ZNF618: variants seen among roughly 807,000 people sequenced by gnomAD.
The protein encoded by ZNF618 is zinc finger protein 618.
In ZNF618, 34 loss-of-function variants were observed where a neutral mutation model predicts 103.0. The ratio of observed to expected loss-of-function variants is 0.33; its 90% CI spans 0.25 to 0.44. The LOEUF (loss-of-function observed/expected upper bound fraction) is 0.44. Among genes scored for constraint, ZNF618 ranks in the 20% least tolerant of loss-of-function variants. The pLI is 1.00. For missense variants in ZNF618, 1,059 were observed against 1,295.4 expected, an observed-to-expected ratio of 0.82 and a Z score of 2.80; for synonymous variants, 551 against 542.2, an observed-to-expected ratio of 1.02 and a Z score of -0.23.
intron 1 of ZNF618, among the ~76,000 whole-genome samples, chr9:113,944,432 A>G (rs2132124319): frequency 6.6e-6 from 1 of 152,178 alleles, no homozygotes; most frequent in East Asian, 1.9e-4. Context: ...GTGTACCACC[A>G]CACCCAGCTA....
chr9:113,898,191 C>T (rs1830205017), intron 1 of ZNF618, among the ~76,000 whole-genome samples: 1 of 152,208 alleles, frequency 6.6e-6, no homozygotes, highest in African/African-American at 2.4e-5. Context: ...TTTTACTGAG[C>T]ACACAAAGGA....
rs113819665 is a variant in ZNF618, at chr9:114,050,442, GCACACACACACACACACACA to G, written c.*289_*308del. 2.9e-5 allele frequency: 6 copies of G among 207,708 alleles called. No individual in the cohort carries two copies. The highest frequency in any genetic ancestry group is 1.5e-4 in the African/African-American group (6 of 40,700). 12.9% of individuals were successfully genotyped at this position (207,708 alleles called of 1,614,324 possible). A position where few individuals can be genotyped will look rare whatever the true frequency, so the allele number is the denominator to read the frequency against. ...ATGGCCAGAGAAACTTTGCACACACGCACACACACACACACACACACACACACACACACGACCCTGGTGCG... is the reference window on the plus strand; with the variant it reads ...ATGGCCAGAGAAACTTTGCACACACGCACACACACACACGACCCTGGTGCG... On this transcript the variant is annotated 3_prime_UTR_variant, in exon 15 of 15. Coordinates refer to ENST00000374126, the MANE Select transcript of ZNF618 (RefSeq NM_001318042.2).
intron 1 of ZNF618, among the ~76,000 whole-genome samples, chr9:113,952,019 C>T (rs956215328): frequency 3.3e-5 from 5 of 152,122 alleles, no homozygotes; most frequent in Admixed American, 6.5e-5. Flanking sequence ...CCAGGTATTC[C>T]GGCCCTGGGT....
At chr9:113,985,638 C>G (rs1171895510) in intron 2 of ZNF618, among the ~76,000 whole-genome samples, 1 of 152,216 alleles carries the variant, frequency 6.6e-6, no homozygotes, top group Non-Finnish European at 1.5e-5. Flanking sequence ...GGTTTTGGCT[C>G]TGTTCTGGAT....
intron 2 of ZNF618, among the ~76,000 whole-genome samples, chr9:113,983,861 A>G (rs1839200499): frequency 6.6e-6 from 1 of 152,134 alleles, no homozygotes; most frequent in African/African-American, 2.4e-5. Flanking sequence ...ATGGGTGACC[A>G]TCCATTCTAG....
At chr9:113,935,125 G>T (rs1029881939) in intron 1 of ZNF618, among the ~76,000 whole-genome samples, 7 of 152,178 alleles carry the variant, frequency 4.6e-5, no homozygotes, top group African/African-American at 1.7e-4. Flanking sequence ...GCTGGCATGG[G>T]GCTGCCGACG....
At chr9:113,974,733 G>A (rs1183541466) in intron 2 of ZNF618, among the ~76,000 whole-genome samples, 3 of 151,956 alleles carry the variant, frequency 2.0e-5, no homozygotes, top group African/African-American at 7.3e-5. Context: ...CATTCTCCAT[G>A]CCCCCCTGCA....
At chr9:113,879,685 T>C (rs1014121044) in intron 1 of ZNF618, among the ~76,000 whole-genome samples, 1 of 152,016 alleles carries the variant, frequency 6.6e-6, no homozygotes, top group African/African-American at 2.4e-5. Context: ...GGTGGTAATT[T>C]GATGATGGGC....
intron 1 of ZNF618, among the ~76,000 whole-genome samples, chr9:113,905,349 C>T (rs532579198): frequency 3.9e-5 from 6 of 152,302 alleles, no homozygotes; most frequent in African/African-American, 1.4e-4. Flanking sequence ...GCTATTCAGC[C>T]TTGTTCAGCA....
chr9:114,047,553 G>A (rs992323211), intron 13 of ZNF618, among the ~76,000 whole-genome samples: 2 of 152,160 alleles, frequency 1.3e-5, no homozygotes, highest in African/African-American at 4.8e-5. Flanking sequence ...TGTGTGCAGG[G>A]AGTAGGTGTG....
chr9:114,007,353 A>T lies in ZNF618; in HGVS notation c.554A>T (p.Asn185Ile). The change falls in exon 7 of 15, where the codon AAT becomes ATT. Residue 185 changes from asparagine to isoleucine, a missense_variant. Asn to Ile is a moderately radical substitution (Grantham distance 149). Around this residue, in one of 6 missense-constraint regions of ZNF618, gnomAD observed 434 missense variants for 476.0 expected, o/e 0.91. Transcript: ENST00000374126. ...TGTGTGTTTTCATCCCATGCAGACA[A>T]TTTCAGGTACACATGTGATATCTGC... The part of the protein sequence containing the change: ...TSGEGASQSN[N>I]FRYTCDICGK... 6.2e-7 allele frequency: 1 copy of T among 1,613,530 alleles called. No individual in the cohort carries two copies. The highest frequency in any genetic ancestry group is 2.2e-5 in the East Asian group (1 of 44,868).
At chr9:113,923,770 T>A (rs1332463829) in intron 1 of ZNF618, among the ~76,000 whole-genome samples, 1 of 152,130 alleles carries the variant, frequency 6.6e-6, no homozygotes, top group Non-Finnish European at 1.5e-5. Flanking sequence ...TATCTGGTTT[T>A]GGTACAGATT....
At chr9:113,998,558 A>T (rs814703) in intron 4 of ZNF618, among the ~76,000 whole-genome samples, 4,143 of 152,270 alleles carry the variant, frequency 0.027, 167 homozygotes, top group African/African-American at 0.09. Context: ...TACTGGAGGG[A>T]CGATAGAGCA....
chr9:114,034,871 G>C (rs1264025995), intron 12 of ZNF618, among the ~76,000 whole-genome samples: 4 of 152,208 alleles, frequency 2.6e-5, no homozygotes, highest in Admixed American at 2.0e-4. Flanking sequence ...GAAGTGAGCT[G>C]CCATGCAAGG....
At chr9:113,889,374 C>T (rs1346476863) in intron 1 of ZNF618, among the ~76,000 whole-genome samples, 1 of 148,474 alleles carries the variant, frequency 6.7e-6, no homozygotes, top group Non-Finnish European at 1.5e-5. Flanking sequence ...CATGTGTGGT[C>T]TCTCCAGCAT....
At chr9:114,017,657 T>C (rs1842759160) in intron 10 of ZNF618, among the ~76,000 whole-genome samples, 1 of 152,176 alleles carries the variant, frequency 6.6e-6, no homozygotes, top group African/African-American at 2.4e-5. Context: ...TTGCTGGTTT[T>C]GTTTCTCACA....
chr9:113,993,953 C>CAT (rs1840318096), intron 3 of ZNF618, among the ~76,000 whole-genome samples: 2 of 152,294 alleles, frequency 1.3e-5, no homozygotes, highest in East Asian at 3.9e-4. Context: ...GGTAACTGGA[C>CAT]ATAAGCCTGT....
intron 1 of ZNF618, among the ~76,000 whole-genome samples, chr9:113,945,149 G>A (rs1019017510): frequency 1.3e-5 from 2 of 151,862 alleles, no homozygotes; most frequent in African/African-American, 4.8e-5. Flanking sequence ...TTCCTCCCAC[G>A]TGCCCAACAC....
chr9:113,992,099 A>C (rs567329787), intron 3 of ZNF618, among the ~76,000 whole-genome samples: 34 of 152,356 alleles, frequency 2.2e-4, no homozygotes, highest in Non-Finnish European at 2.8e-4. Flanking sequence ...TCTCATCTCA[A>C]GATGGCAAGT....
Sources: allele counts gnomAD v4.1 joint callset (sites outside exome capture counted in the v4.1 genomes callset), GRCh38; gene constraint gnomAD v4.1.1; regional missense constraint gnomAD v4.1.1; transcripts MANE v1.5; gene names NCBI Gene and HGNC (gene_info 2026-07-23, HGNC 2026-07-21).